The following TMTC2 variants were observed in gnomAD, a reference collection of about 807,000 sequenced individuals.
TMTC2 encodes protein O-mannosyl-transferase TMTC2.
A neutral mutation model predicts 82.4 loss-of-function variants in TMTC2; 43 were observed. The ratio of observed to expected loss-of-function variants is 0.52; its 90% CI spans 0.41 to 0.67. The LOEUF is 0.67. TMTC2 is among the 30% of genes least tolerant of loss of function. TMTC2 has a pLI of 0.00. For synonymous variants in TMTC2, 408 were observed against 381.9 expected (o/e 1.07, Z -0.80); for missense variants, 919 against 1,012.4 (o/e 0.91, Z 1.25).
At chr12:83,065,227 A>G (rs1376006710) in intron 11 of TMTC2, among the ~76,000 whole-genome samples, 4 of 151,888 alleles carry the variant, frequency 2.6e-5, no homozygotes, top group African/African-American at 9.7e-5. Context: ...CATTTCTTCA[A>G]TATGTCCCAT....
At chr12:82,920,808 T>A (rs1875347587) in intron 3 of TMTC2, among the ~76,000 whole-genome samples, 2 of 152,230 alleles carry the variant, frequency 1.3e-5, no homozygotes, top group Admixed American at 6.5e-5. Context: ...AAACAATGCT[T>A]ATTAAATCTC....
intron 11 of TMTC2, among the ~76,000 whole-genome samples, chr12:83,093,823 A>T (rs1883928104): frequency 6.6e-6 from 1 of 152,224 alleles, no homozygotes. Flanking sequence ...TGAGCCATAC[A>T]TTCTTCTAGG....
intron 1 of TMTC2, among the ~76,000 whole-genome samples, chr12:82,854,221 A>C (rs772803418): frequency 1.5e-4 from 23 of 152,226 alleles, no homozygotes; most frequent in Non-Finnish European, 3.2e-4. Context: ...GACTGGGTTC[A>C]ACTGTTACTA....
intron 11 of TMTC2, among the ~76,000 whole-genome samples, chr12:83,079,505 T>C (rs1883392607): frequency 1.3e-5 from 2 of 152,164 alleles, no homozygotes; most frequent in African/African-American, 4.8e-5. Flanking sequence ...TGTTAAACCA[T>C]TTATTGTATT....
intron 1 of TMTC2, among the ~76,000 whole-genome samples, chr12:82,843,849 G>A (rs1168625798): frequency 6.6e-6 from 1 of 152,154 alleles, no homozygotes; most frequent in African/African-American, 2.4e-5. Context: ...TTGGTAGGCT[G>A]ATGTACGAGA....
rs768008660 is a variant in TMTC2 at position 83,132,321 on chromosome 12, A to G, written c.2443A>G (p.Thr815Ala). 3.1e-6 allele frequency: 5 copies of G among 1,614,006 alleles called. No individual in the cohort carries two copies. Among genetic ancestry groups the G allele is most frequent in the Non-Finnish European group, 3.4e-6 (4 of 1,180,008 alleles). ...GCAGCTCAAGCCAGACGATGTCATCACACAGTCCAATCTCCGCAAACTGTG... is the reference window on the plus strand; with the variant it reads ...GCAGCTCAAGCCAGACGATGTCATCGCACAGTCCAATCTCCGCAAACTGTG... ...ALQLKPDDVI[T>A]QSNLRKLWNI... Residue 815 changes from threonine to alanine, a missense_variant, in exon 12 of 12, where the codon ACA becomes GCA. Transcript: ENST00000321196.
intron 1 of TMTC2, among the ~76,000 whole-genome samples, chr12:82,762,029 C>T (rs1364649716): frequency 8.4e-5 from 11 of 130,538 alleles, no homozygotes; most frequent in African/African-American, 2.6e-4. Context: ...TGCAGTGGTG[C>T]GATCTCAGCT....
At chr12:82,843,606 A>G (rs1032237677) in intron 1 of TMTC2, among the ~76,000 whole-genome samples, 7 of 152,212 alleles carry the variant, frequency 4.6e-5, no homozygotes, top group Admixed American at 3.9e-4. Flanking sequence ...ATTTGTGTAA[A>G]ATAAGCTTCT....
Position 83,075,353 on chromosome 12 carries a change from C to G in TMTC2, c.2331+13522C>G, listed in dbSNP as rs142759902. On this transcript the variant is annotated intron_variant, in intron 11 of 11. Coordinates refer to ENST00000321196, the MANE Select transcript of TMTC2 (RefSeq NM_152588.3). Reference sequence around the variant, plus strand: ...ACAGCTCAAACCTCCGCAAGCTGCTCTGTCTGGAGCTGCAATCTAGTCCTG... The same window carrying G: ...ACAGCTCAAACCTCCGCAAGCTGCTGTGTCTGGAGCTGCAATCTAGTCCTG... Among the ~76,000 whole-genome samples, 67 of 152,304 alleles carry G rather than the reference C, an allele frequency of 4.4e-4. No homozygotes were observed. The East Asian group carries it at 6.4e-3, about 15-fold the overall frequency.
rs1343132095 is a variant in TMTC2, at chr12:83,134,623, A to C, written c.*2234A>C. On this transcript the variant is annotated 3_prime_UTR_variant, in exon 12 of 12. Coordinates refer to ENST00000321196, the MANE Select transcript of TMTC2 (RefSeq NM_152588.3). ...CAACTTCGGGGGGAGGGTTGGGGCA[A>C]GGGGGGGTGGGCGTTAGAACATGAT... The C allele has an allele frequency of 1.2e-5, 1 of 85,010 alleles. No individual in the cohort carries two copies. Among genetic ancestry groups the C allele is most frequent in the Non-Finnish European group, 2.4e-5 (1 of 41,094 alleles). 5.3% of individuals were successfully genotyped at this position (85,010 alleles called of 1,614,324 possible). A position where few individuals can be genotyped will look rare whatever the true frequency, so the allele number is the denominator to read the frequency against.
intron 1 of TMTC2, among the ~76,000 whole-genome samples, chr12:82,801,425 G>C (rs1878992264): frequency 6.6e-6 from 1 of 152,082 alleles, no homozygotes; most frequent in African/African-American, 2.4e-5. Context: ...GTGTAGAAGG[G>C]GACCCAAGCG....
intron 1 of TMTC2, among the ~76,000 whole-genome samples, chr12:82,778,569 G>T (rs1016422481): frequency 2.0e-5 from 3 of 152,070 alleles, no homozygotes; most frequent in African/African-American, 7.2e-5. Flanking sequence ...CAAAAAATCG[G>T]CCGGGCGCAG....
chr12:82,822,910 C>G (rs1869199237), intron 1 of TMTC2, among the ~76,000 whole-genome samples: 2 of 152,274 alleles, frequency 1.3e-5, no homozygotes, highest in Admixed American at 6.5e-5. Flanking sequence ...CTCCTCATCT[C>G]TTCACAGCCT....
At chr12:82,888,986 G>A (rs756343622) in intron 2 of TMTC2, among the ~76,000 whole-genome samples, 49 of 151,974 alleles carry the variant, frequency 3.2e-4, no homozygotes, top group Non-Finnish European at 5.7e-4. Context: ...ATATAGAAAA[G>A]TGTAGGAACT....
In TMTC2 at chr12:83,050,935, A is replaced by G; in HGVS notation, c.2184A>G (p.Ile728Met). The G allele has an allele frequency of 6.2e-7, 1 of 1,613,220 alleles. No homozygotes were observed. Among genetic ancestry groups the G allele is most frequent in the Non-Finnish European group, 8.5e-7 (1 of 1,179,458 alleles). ...TTCTTCTGGAAGAAGCTCGTCTCAT[A>G]GAAGCAGCTGAGATGGCAAAAAAAG... ...GQFLLEEARL[I>M]EAAEMAKKAA... is the part of the protein sequence containing the mutation. Residue 728 changes from isoleucine (I) to methionine (M), a missense_variant, in exon 10 of 12, where the codon ATA (isoleucine) becomes ATG (methionine). Ile to Met is a conservative substitution (Grantham distance 10). Coordinates refer to ENST00000321196, the MANE Select transcript of TMTC2 (RefSeq NM_152588.3).
At chr12:83,078,069 C>T (rs939601932) in intron 11 of TMTC2, among the ~76,000 whole-genome samples, 2 of 151,862 alleles carry the variant, frequency 1.3e-5, no homozygotes, top group African/African-American at 4.8e-5. Flanking sequence ...CTTAGCAGGG[C>T]TCTCACTGAA....
At chr12:82,882,133 G>A (rs1258116314) in intron 2 of TMTC2, among the ~76,000 whole-genome samples, 1 of 147,906 alleles carries the variant, frequency 6.8e-6, no homozygotes, top group Admixed American at 6.6e-5. Context: ...CCAAGTAGCT[G>A]GGACTACAGG....
intron 1 of TMTC2, among the ~76,000 whole-genome samples, chr12:82,817,119 C>A (rs1217702918): frequency 6.6e-6 from 1 of 151,786 alleles, no homozygotes; most frequent in Non-Finnish European, 1.5e-5. Context: ...AGGCGCCCGC[C>A]ACCACACCCT....
intron 1 of TMTC2, among the ~76,000 whole-genome samples, chr12:82,748,381 C>G (rs1875799811): frequency 6.6e-6 from 1 of 152,058 alleles, no homozygotes; most frequent in Non-Finnish European, 1.5e-5. Flanking sequence ...CCCATCTCTT[C>G]TGGTAGGTAG....
Sources: allele counts gnomAD v4.1 joint callset (sites outside exome capture counted in the v4.1 genomes callset), GRCh38; gene constraint gnomAD v4.1.1; transcripts MANE v1.5; gene names NCBI Gene and HGNC (gene_info 2026-07-23, HGNC 2026-07-21).